Variants in NDST4 observed in about 807,000 individuals in gnomAD.
The protein encoded by NDST4 is N-deacetylase and N-sulfotransferase 4, also known as N-heparan sulfate sulfotransferase 4.
A neutral mutation model predicts 100.8 loss-of-function variants in NDST4; 63 were observed. The observed-to-expected ratio is 0.62, with a 90% CI of 0.51 to 0.77. The LOEUF (loss-of-function observed/expected upper bound fraction) is 0.77, where lower values mean the gene tolerates loss of function less well. Ranked by LOEUF, NDST4 falls within the 30% of genes least tolerant of loss-of-function variation. The pLI, the probability that NDST4 is intolerant of heterozygous loss-of-function variation, is 0.00. For missense variants in NDST4, 943 were observed against 1,018.4 expected (o/e 0.93, Z 1.01); for synonymous variants, 377 against 361.8 (o/e 1.04, Z -0.48).
chr4:114,962,104 C>T (rs1726276544), intron 4 of NDST4, among the ~76,000 whole-genome samples: 1 of 152,138 alleles, frequency 6.6e-6, no homozygotes, highest in South Asian at 2.1e-4. Flanking sequence ...ACAAATCCAA[C>T]ATCCTTCTAT....
At chr4:114,849,877 A>G (rs947924030) in intron 8 of NDST4, among the ~76,000 whole-genome samples, 3 of 152,202 alleles carry the variant, frequency 2.0e-5, no homozygotes, top group African/African-American at 4.8e-5. Context: ...ATACAGATGT[A>G]ATAGTTATGA....
intron 2 of NDST4, among the ~76,000 whole-genome samples, chr4:115,049,471 A>G (rs1728536716): frequency 6.6e-6 from 1 of 152,254 alleles, no homozygotes; most frequent in South Asian, 2.1e-4. Flanking sequence ...AGACCCCTAC[A>G]CTAGGATAAT....
intron 6 of NDST4, among the ~76,000 whole-genome samples, chr4:114,871,872 A>C (rs1486504484): frequency 1.3e-5 from 2 of 152,004 alleles, no homozygotes; most frequent in Non-Finnish European, 2.9e-5. Flanking sequence ...TAACAACCCA[A>C]ATATTATAAT....
At chr4:115,108,414 A>G (rs1244424486) in intron 1 of NDST4, among the ~76,000 whole-genome samples, 2 of 151,992 alleles carry the variant, frequency 1.3e-5, no homozygotes, top group African/African-American at 4.8e-5. Flanking sequence ...AAGCATCTAA[A>G]TGTGTGAAAT....
intron 1 of NDST4, among the ~76,000 whole-genome samples, chr4:115,096,329 T>C (rs2126296547): frequency 6.6e-6 from 1 of 152,192 alleles, no homozygotes; most frequent in Non-Finnish European, 1.5e-5. Flanking sequence ...AATGAGCTTT[T>C]AATTCTGTGA....
intron 6 of NDST4, among the ~76,000 whole-genome samples, chr4:114,907,472 T>C (rs1724976783): frequency 6.6e-6 from 1 of 152,224 alleles, no homozygotes; most frequent in Admixed American, 6.5e-5. Flanking sequence ...CAGCAACTTC[T>C]AGCACATAGG....
chr4:114,891,018 C>T (rs1201382007), intron 6 of NDST4, among the ~76,000 whole-genome samples: 2 of 152,074 alleles, frequency 1.3e-5, no homozygotes, highest in African/African-American at 4.8e-5. Flanking sequence ...TACACCGAAA[C>T]ACCCTCCTCT....
intron 10 of NDST4, 29 bp downstream of exon 10, chr4:114,845,794 C>T: frequency 2.5e-6 from 4 of 1,578,838 alleles, no homozygotes; most frequent in Non-Finnish European, 3.5e-6. Context: ...TAACAAAATG[C>T]TTTTAGCCGA....
chr4:114,862,198 T>G (rs542896448), intron 7 of NDST4, among the ~76,000 whole-genome samples: 1 of 152,286 alleles, frequency 6.6e-6, no homozygotes, highest in Non-Finnish European at 1.5e-5. Flanking sequence ...TAATGTTAAT[T>G]GTATAGACAT....
chr4:114,953,708 A>G lies in NDST4; in HGVS notation c.1222-16205T>C, dbSNP rs530412462. The stretch of plus-strand genomic sequence containing the variant: ...TGTTCACTGAAATGAATAAAACAAT[A>G]AATAACTCAAATGCTGAACTTTTCA... On this transcript the variant is annotated intron_variant, in intron 4 of 13. Transcript: ENST00000264363. 4.6e-5 allele frequency among the ~76,000 whole-genome samples: 7 copies of G among 152,288 alleles called. No homozygotes were observed. In the East Asian group the frequency reaches 1.2e-3, roughly 25 times the overall value.
chr4:114,929,113 C>CT (rs1560817117), intron 6 of NDST4, among the ~76,000 whole-genome samples: 2,607 of 116,824 alleles, frequency 0.022, 62 homozygotes, highest in Non-Finnish European at 0.028. Context: ...TCCATCCATC[C>CT]ATCTATCTAT....
chr4:114,866,956 A>T (rs1222009317), intron 7 of NDST4, among the ~76,000 whole-genome samples: 1 of 152,154 alleles, frequency 6.6e-6, no homozygotes, highest in African/African-American at 2.4e-5. Flanking sequence ...TGTAGAGTTG[A>T]TGATAATAGT....
In NDST4 at chr4:115,113,593, G is replaced by C. The variant is rs1729998408; in HGVS notation, c.-396C>G. 6.6e-6 allele frequency: 1 copy of C among 151,928 alleles called. No homozygotes were observed. Among genetic ancestry groups the C allele is most frequent in the South Asian group, 2.1e-4 (1 of 4,830 alleles). 9.4% of individuals were successfully genotyped at this position (151,928 alleles called of 1,614,324 possible). ...AATCTGCCTCAACAATATTCCAAGA[G>C]CACTCTCTAGCTCCAGTCTTAGTGT... On this transcript the variant is annotated 5_prime_UTR_variant, in exon 1 of 14. Coordinates refer to ENST00000264363, the MANE Select transcript of NDST4 (RefSeq NM_022569.3).
In NDST4 at chr4:115,046,014, T is replaced by C. The variant is rs1011157342; in HGVS notation, c.978+30045A>G. ...CAATTGTGGAAGTTTTTTCTGCTAA[T>C]AGCTCACACCTGTCGCCTTCTCTGA... On this transcript the variant is annotated intron_variant, in intron 2 of 13. Coordinates refer to ENST00000264363, the MANE Select transcript of NDST4 (RefSeq NM_022569.3). Among the ~76,000 whole-genome samples the C allele has an allele frequency of 4.7e-4, 71 of 152,166 alleles. 1 individual carries two copies. The highest frequency in any genetic ancestry group is 4.3e-3 in the Admixed American group (65 of 15,264).
chr4:115,076,349 A>G lies in NDST4; in HGVS notation c.688T>C (p.Tyr230His). 5 of 1,614,024 alleles carry G rather than the reference A, an allele frequency of 3.1e-6. No individual in the cohort carries two copies. The highest frequency in any genetic ancestry group is 1.3e-5 in the African/African-American group (1 of 75,066). ...AACTCAGTTAAAAGTACAGGCTGGT[A>G]GGTTGAATGATTATATTGGAAAATA... ...WTIFQYNHST[Y>H]QPVLLTELQT... Residue 230 changes from tyrosine (Y) to histidine (H), a missense_variant, in exon 2 of 14, where the codon TAC becomes CAC. Coordinates refer to ENST00000264363, the MANE Select transcript of NDST4 (RefSeq NM_022569.3).
chr4:114,921,825 C>A (rs562851560), intron 6 of NDST4, among the ~76,000 whole-genome samples: 2 of 152,184 alleles, frequency 1.3e-5, no homozygotes, highest in South Asian at 4.2e-4. Flanking sequence ...TTCCTATTTT[C>A]TTTTTCCCCC....
At chr4:114,863,319 G>A (rs1406538440) in intron 7 of NDST4, among the ~76,000 whole-genome samples, 2 of 152,214 alleles carry the variant, frequency 1.3e-5, no homozygotes, top group Non-Finnish European at 2.9e-5. Flanking sequence ...CCCTGCTGAA[G>A]GTCACACAGC....
chr4:114,872,019 T>C (rs1032450481), intron 6 of NDST4, among the ~76,000 whole-genome samples: 1 of 152,030 alleles, frequency 6.6e-6, no homozygotes, highest in Non-Finnish European at 1.5e-5. Context: ...GGCTAATATT[T>C]GTATGGAAAC....
chr4:115,033,107 A>C (rs1373962076), intron 2 of NDST4, among the ~76,000 whole-genome samples: 1 of 145,114 alleles, frequency 6.9e-6, no homozygotes, highest in Non-Finnish European at 1.5e-5. Flanking sequence ...GTTTATTTTG[A>C]ATGCAAAAAT....
Sources: gnomAD v4.1 joint callset for allele counts (sites outside exome capture counted in the v4.1 genomes callset) on GRCh38, gnomAD v4.1.1 for gene constraint, MANE v1.5 for transcripts, NCBI Gene and HGNC (gene_info 2026-07-23, HGNC 2026-07-21) for gene names.